DNAH14: variants seen among roughly 807,000 people sequenced by gnomAD.
DNAH14 encodes dynein axonemal heavy chain 14.
Under a neutral mutation model 520.9 loss-of-function variants are expected in DNAH14, and 478 were observed. The observed-to-expected ratio is 0.92, with a 90% CI of 0.85 to 0.99. The LOEUF is 0.99. Among genes scored for constraint, DNAH14 ranks in the 50% least tolerant of loss-of-function variants. The probability of loss-of-function intolerance (pLI) is 0.00; values close to 1 mark genes in which losing one functional copy is unlikely to be tolerated. For missense variants in DNAH14, 4,831 were observed against 5,234.5 expected (o/e 0.92, Z 2.38); for synonymous variants, 1,581 against 1,757.2 (o/e 0.90, Z 2.51).
intron 34 of DNAH14, among the ~76,000 whole-genome samples, chr1:225,156,709 CTTTTT>C (rs71170061): frequency 1.5e-5 from 1 of 68,164 alleles, no homozygotes; most frequent in Non-Finnish European, 2.4e-5. Context: ...TCTTAAAATT[CTTTTT>C]TTTTTTTTTT....
At chr1:225,192,387 C>T (rs2085563738) in intron 37 of DNAH14, among the ~76,000 whole-genome samples, 1 of 152,118 alleles carries the variant, frequency 6.6e-6, no homozygotes, top group South Asian at 2.1e-4. Context: ...CACTTCTATA[C>T]TCAACCCTGT....
intron 8 of DNAH14, among the ~76,000 whole-genome samples, chr1:224,993,945 T>G (rs1190207553): frequency 1.3e-5 from 2 of 152,086 alleles, no homozygotes; most frequent in Non-Finnish European, 2.9e-5. Context: ...GCTTTTTCGT[T>G]GTGCAAGAAC....
chr1:225,328,687 C>CA (rs1420600706), intron 64 of DNAH14, among the ~76,000 whole-genome samples: 1 of 152,228 alleles, frequency 6.6e-6, no homozygotes, highest in South Asian at 2.1e-4. Flanking sequence ...GAACATTCAT[C>CA]AAAAACATTA....
rs186231230 is a variant in DNAH14, at chr1:225,023,025, T to G, written c.1108-590T>G. ...AATACCACATATCTTCACATATAAG[T>G]GGGAGATAAACATAGTTACACATGG... is the stretch of plus-strand genomic sequence containing the variant. On this transcript the variant is annotated intron_variant, in intron 10 of 85. Coordinates refer to ENST00000682510, the MANE Select transcript of DNAH14 (RefSeq NM_001367479.1). 4.2e-3 allele frequency among the ~76,000 whole-genome samples: 641 copies of G among 152,044 alleles called. 4 individuals carry two copies. Among genetic ancestry groups the G allele is most frequent in the African/African-American group, 0.015 (610 of 41,466 alleles).
rs750234608 is a variant in DNAH14, at chr1:225,377,415, C to T, written c.12695C>T (p.Thr4232Ile). ...ENLIAMQPKT[T>I]TANLMIRPEQ... Reference sequence around the variant, plus strand: ...CTGATTGCCATGCAACCAAAAACTACCACTGCCAACCTCATGATCAGGTAA... The same window carrying T: ...CTGATTGCCATGCAACCAAAAACTATCACTGCCAACCTCATGATCAGGTAA... Residue 4232 changes from threonine (T) to isoleucine (I), a missense_variant, in exon 79 of 86, where the codon ACC (threonine) becomes ATC (isoleucine). Physicochemically the swap from Thr to Ile is moderately conservative, Grantham distance 89. Transcript: ENST00000682510. 21 of 1,549,916 alleles carry T rather than the reference C, an allele frequency of 1.4e-5. No individual in the cohort carries two copies. In the African/African-American group the frequency reaches 2.5e-4, roughly 18 times the overall value.
intron 10 of DNAH14, among the ~76,000 whole-genome samples, chr1:225,012,806 T>A (rs956379700): frequency 1.3e-5 from 2 of 152,222 alleles, no homozygotes; most frequent in Non-Finnish European, 2.9e-5. Flanking sequence ...GTTTTTCAGC[T>A]CCGTCAGGTC....
At chr1:225,313,634 C>T (rs905555023) in intron 60 of DNAH14, among the ~76,000 whole-genome samples, 12 of 152,112 alleles carry the variant, frequency 7.9e-5, no homozygotes, top group Admixed American at 2.6e-4. Context: ...GATTCCGGTA[C>T]GTTGTGTCTT....
chr1:225,277,987 A>G (rs1436167823), intron 54 of DNAH14, among the ~76,000 whole-genome samples: 2 of 152,124 alleles, frequency 1.3e-5, no homozygotes, highest in African/African-American at 4.8e-5. Flanking sequence ...TATTTAATTT[A>G]TTATTTATGA....
chr1:225,193,761 T>C (rs2085751988), intron 38 of DNAH14, among the ~76,000 whole-genome samples: 1 of 152,046 alleles, frequency 6.6e-6, no homozygotes, highest in East Asian at 1.9e-4. Flanking sequence ...AGTTAAACTA[T>C]CTCTGTTTGC....
intron 57 of DNAH14, 35 bp downstream of exon 57, chr1:225,303,382 T>G (rs2094176479): frequency 1.3e-6 from 2 of 1,525,664 alleles, no homozygotes; most frequent in Non-Finnish European, 1.8e-6. Flanking sequence ...TTTCAGTTTA[T>G]TGACAGCATC....
At chr1:225,167,576 C>T (rs1381073462) in intron 35 of DNAH14, among the ~76,000 whole-genome samples, 1 of 152,120 alleles carries the variant, frequency 6.6e-6, no homozygotes, top group Admixed American at 6.5e-5. Context: ...ATTAGAATTA[C>T]AAAAAGGTCT....
At chr1:224,965,568 A>G (rs957797712) in intron 5 of DNAH14, among the ~76,000 whole-genome samples, 1 of 152,076 alleles carries the variant, frequency 6.6e-6, no homozygotes, top group South Asian at 2.1e-4. Context: ...ATTTACAAAA[A>G]CAGGCACCTG....
At chr1:225,160,946 G>A (rs1012019681) in intron 35 of DNAH14, among the ~76,000 whole-genome samples, 5 of 152,028 alleles carry the variant, frequency 3.3e-5, no homozygotes, top group Non-Finnish European at 7.4e-5. Flanking sequence ...TTAGTAAGAA[G>A]TCTAATTCAT....
Position 225,322,752 on chromosome 1 carries a change from A to C in DNAH14, c.9424A>C (p.Lys3142Gln). The C allele has an allele frequency of 6.4e-7, 1 of 1,551,782 alleles. No individual in the cohort carries two copies. Among genetic ancestry groups the C allele is most frequent in the Non-Finnish European group, 8.7e-7 (1 of 1,146,964 alleles). The change falls in exon 62 of 86, where the codon AAG (lysine) becomes CAG (glutamine). Residue 3142 changes from lysine to glutamine, a missense_variant. Transcript: ENST00000682510. ...LQKKPNWATA[K>Q]LLLSETGFLK... ...AAAGAAACCTAACTGGGCAACGGCA[A>C]AGTTACTTCTTTCAGAAACTGGTTT...
At chr1:225,199,017 C>T (rs778132288) in intron 38 of DNAH14, among the ~76,000 whole-genome samples, 9 of 151,988 alleles carry the variant, frequency 5.9e-5, no homozygotes, top group Non-Finnish European at 1.0e-4. Context: ...TTTTATTCTC[C>T]ATGTTTGTTA....
chr1:225,312,379 G>A (rs1291157518), intron 60 of DNAH14, among the ~76,000 whole-genome samples: 1 of 152,136 alleles, frequency 6.6e-6, no homozygotes, highest in Non-Finnish European at 1.5e-5. Context: ...ATACAATCAT[G>A]TCATCTGCAA....
At chr1:225,015,778 A>T (rs2147952169) in intron 10 of DNAH14, among the ~76,000 whole-genome samples, 2 of 152,366 alleles carry the variant, frequency 1.3e-5, no homozygotes, top group South Asian at 4.1e-4. Context: ...GAAGGAAAAG[A>T]TATTTACACT....
At chr1:225,091,313 G>T (rs2074370642) in intron 21 of DNAH14, among the ~76,000 whole-genome samples, 1 of 151,934 alleles carries the variant, frequency 6.6e-6, no homozygotes, top group South Asian at 2.1e-4. Context: ...TTGGAAAAAA[G>T]GAAAAATAAA....
At chr1:225,392,193 C>G in intron 83 of DNAH14, 98 bp from the exon 84 acceptor site, 1 of 1,391,570 alleles carries the variant, frequency 7.2e-7, no homozygotes, top group Non-Finnish European at 9.7e-7. Flanking sequence ...TTTTCCTCCA[C>G]TCTTCCCTTT....
Sources: gnomAD v4.1 joint callset for allele counts (sites outside exome capture counted in the v4.1 genomes callset) on GRCh38, gnomAD v4.1.1 for gene constraint, MANE v1.5 for transcripts, NCBI Gene and HGNC (gene_info 2026-07-23, HGNC 2026-07-21) for gene names.